Variants in PARP8 observed in about 807,000 individuals in gnomAD.
PARP8 encodes poly(ADP-ribose) polymerase family member 8.
A neutral mutation model predicts 124.1 loss-of-function variants in PARP8; 51 were observed. The observed-to-expected ratio is 0.41, with a 90% CI of 0.33 to 0.52. PARP8 has a LOEUF of 0.52. PARP8 is among the 20% of genes least tolerant of loss of function. The pLI, the probability that PARP8 is intolerant of heterozygous loss-of-function variation, is 0.21. For synonymous variants in PARP8, 391 were observed against 361.5 expected (o/e 1.08, Z -0.93); for missense variants, 860 against 1,018.9 (o/e 0.84, Z 2.12).
intron 2 of PARP8, among the ~76,000 whole-genome samples, chr5:50,679,641 C>T (rs1294119679): frequency 6.6e-6 from 1 of 152,030 alleles, no homozygotes; most frequent in East Asian, 1.9e-4. Flanking sequence ...AGTGGCGCAT[C>T]CTGGTTTTAC....
At chr5:50,817,442 C>T (rs557800232) in intron 15 of PARP8, among the ~76,000 whole-genome samples, 14 of 152,210 alleles carry the variant, frequency 9.2e-5, no homozygotes, top group Non-Finnish European at 1.8e-4. Context: ...TTTTTCTAAA[C>T]AAAAAGAAAC....
intron 2 of PARP8, among the ~76,000 whole-genome samples, chr5:50,705,747 C>T (rs1754076441): frequency 6.6e-6 from 1 of 152,180 alleles, no homozygotes; most frequent in South Asian, 2.1e-4. Flanking sequence ...CAAGCCACTG[C>T]ACTCCAGCCT....
intron 2 of PARP8, among the ~76,000 whole-genome samples, chr5:50,681,833 C>A (rs1181141644): frequency 6.6e-6 from 1 of 152,072 alleles, no homozygotes; most frequent in Non-Finnish European, 1.5e-5. Context: ...TCTACTTTGT[C>A]CTGTCTCCCT....
At chr5:50,770,698 A>G (rs1761531030) in intron 7 of PARP8, among the ~76,000 whole-genome samples, 1 of 149,008 alleles carries the variant, frequency 6.7e-6, no homozygotes, top group South Asian at 2.1e-4. Flanking sequence ...AAAGCAAGCA[A>G]AGAAAGAAAG....
rs148448009 is a variant in PARP8 at position 50,756,325 on chromosome 5, A to G, written c.185-3318A>G. Among the ~76,000 whole-genome samples the G allele has an allele frequency of 7.5e-3, 1,140 of 152,258 alleles. 15 individuals carry two copies. Among genetic ancestry groups the G allele is most frequent in the African/African-American group, 0.026 (1,070 of 41,542 alleles). On this transcript the variant is annotated intron_variant, in intron 3 of 25. Transcript: ENST00000281631. Reference sequence around the variant, plus strand: ...ATGATATTGGCTGTGGGTTTGTCATAGATAGCTCTTATTATTTTGAGATAC... The same window carrying G: ...ATGATATTGGCTGTGGGTTTGTCATGGATAGCTCTTATTATTTTGAGATAC...
chr5:50,777,140 G>A (rs544696853), intron 7 of PARP8, among the ~76,000 whole-genome samples: 1 of 152,300 alleles, frequency 6.6e-6, no homozygotes, highest in East Asian at 1.9e-4. Flanking sequence ...GCTATAGAGT[G>A]ATGATTGATA....
At chr5:50,736,232 T>C (rs1757463417) in intron 2 of PARP8, among the ~76,000 whole-genome samples, 1 of 152,138 alleles carries the variant, frequency 6.6e-6, no homozygotes, top group African/African-American at 2.4e-5. Context: ...TTTATGTCCT[T>C]AGAGACACTT....
chr5:50,795,865 A>T (rs1742483574), intron 12 of PARP8, among the ~76,000 whole-genome samples: 2 of 152,362 alleles, frequency 1.3e-5, no homozygotes, highest in Middle Eastern at 3.4e-3. Flanking sequence ...CACTCTGCCC[A>T]TGCATGTTTT....
At chr5:50,681,242 A>C (rs1412692653) in intron 2 of PARP8, among the ~76,000 whole-genome samples, 1 of 152,150 alleles carries the variant, frequency 6.6e-6, no homozygotes, top group African/African-American at 2.4e-5. Context: ...AATTGTTTTC[A>C]TAAGATACAA....
chr5:50,814,046 A>G (rs772114355), intron 14 of PARP8, among the ~76,000 whole-genome samples: 1 of 152,138 alleles, frequency 6.6e-6, no homozygotes, highest in African/African-American at 2.4e-5. Flanking sequence ...AGTAGTTGAT[A>G]AAAGAATAAA....
intron 7 of PARP8, among the ~76,000 whole-genome samples, chr5:50,763,965 G>A (rs1475329152): frequency 6.6e-6 from 1 of 152,116 alleles, no homozygotes; most frequent in Non-Finnish European, 1.5e-5. Context: ...AGACTACCCA[G>A]ATATGTCATA....
chr5:50,822,659 C>T lies in PARP8; in HGVS notation c.1860+259C>T, dbSNP rs1745894244. Among the ~76,000 whole-genome samples the T allele has an allele frequency of 3.3e-5, 5 of 151,974 alleles. No homozygotes were observed. In the South Asian group the frequency reaches 6.2e-4, roughly 19 times the overall value. ...AGAGCTTGGGTACATGTAGGTATGT[C>T]GGGATATTTTAAGGCAAAGGTTAAA... On this transcript the variant is annotated intron_variant, in intron 17 of 25. Transcript: ENST00000281631.
At chr5:50,751,489 C>T (rs1219443431) in intron 3 of PARP8, among the ~76,000 whole-genome samples, 1 of 151,984 alleles carries the variant, frequency 6.6e-6, no homozygotes, top group Non-Finnish European at 1.5e-5. Flanking sequence ...AAAATATGAT[C>T]ACAGAAGACG....
intron 2 of PARP8, among the ~76,000 whole-genome samples, chr5:50,688,319 A>G (rs966680009): frequency 6.6e-6 from 1 of 152,018 alleles, no homozygotes; most frequent in Admixed American, 6.5e-5. Context: ...CTTCACTCTG[A>G]CACACAGCAT....
chr5:50,753,686 G>A (rs1282592484), intron 3 of PARP8, among the ~76,000 whole-genome samples: 1 of 151,902 alleles, frequency 6.6e-6, no homozygotes, highest in Non-Finnish European at 1.5e-5. Flanking sequence ...TGCTATAGGG[G>A]ATGAGGTGAA....
At chr5:50,748,103 G>C (rs946074095) in intron 2 of PARP8, among the ~76,000 whole-genome samples, 4 of 151,396 alleles carry the variant, frequency 2.6e-5, no homozygotes, top group African/African-American at 4.9e-5. Context: ...TCTGTTTTTT[G>C]TTCCTCCTTT....
chr5:50,759,778 C>A, intron 4 of PARP8, 46 bp downstream of exon 4: 1 of 1,511,334 alleles, frequency 6.6e-7, no homozygotes, highest in Non-Finnish European at 8.8e-7. Context: ...TTTTAAATTG[C>A]ATTATCTTTT....
In PARP8 at chr5:50,781,256, A is replaced by G. The variant is rs527432260; in HGVS notation, c.670+2606A>G. Among the ~76,000 whole-genome samples the G allele has an allele frequency of 3.9e-5, 6 of 152,192 alleles. No individual in the cohort carries two copies. In the East Asian group the frequency reaches 1.2e-3, roughly 29 times the overall value. ...TGGCCACATTCTTTACTGATTCCGT[A>G]TTATTCCCTCTTTATCACCAGTCGC... On this transcript the variant is annotated intron_variant, in intron 9 of 25. Coordinates refer to ENST00000281631, the MANE Select transcript of PARP8 (RefSeq NM_024615.4).
intron 3 of PARP8, among the ~76,000 whole-genome samples, chr5:50,756,596 C>T (rs1337938991): frequency 6.6e-6 from 1 of 152,068 alleles, no homozygotes; most frequent in Non-Finnish European, 1.5e-5. Flanking sequence ...AATAGCTAGT[C>T]TGCAGTAGTG....
Sources: allele counts gnomAD v4.1 joint callset (sites outside exome capture counted in the v4.1 genomes callset), GRCh38; gene constraint gnomAD v4.1.1; transcripts MANE v1.5; gene names NCBI Gene and HGNC (gene_info 2026-07-23, HGNC 2026-07-21).